The following ADAMTS17 variants were observed in gnomAD, a reference collection of about 807,000 sequenced individuals.
The protein encoded by ADAMTS17 is ADAM metallopeptidase with thrombospondin type 1 motif 17.
A neutral mutation model predicts 141.5 loss-of-function variants in ADAMTS17; 113 were observed. The observed-to-expected ratio is 0.80, with a 90% CI of 0.69 to 0.93. The LOEUF is 0.93. ADAMTS17 is among the 40% of genes least tolerant of loss of function. The pLI, the probability that ADAMTS17 is intolerant of heterozygous loss-of-function variation, is 0.00. For missense variants in ADAMTS17, 1,659 were observed against 1,517.9 expected (o/e 1.09, Z -1.54); for synonymous variants, 768 against 630.6 (o/e 1.22, Z -3.27).
In ADAMTS17 at chr15:100,155,285, C is replaced by A; in HGVS notation, c.1217G>T (p.Cys406Phe). ...GMNHDDDHSS[C>F]AGRSHIMSGE... ...TGACATGATGTGGGACCTGCCAGCG[C>A]AAGATGAGTGGTCATCGTCGTGGTT... The change falls in exon 9 of 22, where the codon TGC becomes TTC. Residue 406 changes from cysteine to phenylalanine, a missense_variant. Coordinates refer to ENST00000268070, the MANE Select transcript of ADAMTS17 (RefSeq NM_139057.4). 6.2e-7 allele frequency: 1 copy of A among 1,614,116 alleles called. No homozygotes were observed. Among genetic ancestry groups the A allele is most frequent in the Non-Finnish European group, 8.5e-7 (1 of 1,180,016 alleles).
chr15:100,207,094 G>C lies in ADAMTS17; in HGVS notation c.1076-7671C>G, dbSNP rs574886720. On this transcript the variant is annotated intron_variant, in intron 7 of 21. Coordinates refer to ENST00000268070, the MANE Select transcript of ADAMTS17 (RefSeq NM_139057.4). The stretch of plus-strand genomic sequence containing the variant: ...TCCAATGTCACTGTATTTGGAGACA[G>C]GGCCTTCAGGGAGGTGATGAAGGTT... 3.3e-5 allele frequency among the ~76,000 whole-genome samples: 5 copies of C among 152,318 alleles called. No homozygotes were observed. In the East Asian group the frequency reaches 7.7e-4, roughly 24 times the overall value.
intron 15 of ADAMTS17, among the ~76,000 whole-genome samples, chr15:100,084,319 T>G (rs1302878678): frequency 1.3e-5 from 2 of 152,172 alleles, no homozygotes; most frequent in African/African-American, 4.8e-5. Flanking sequence ...TTGCCGAGGC[T>G]TGAGTAGGTA....
At chr15:100,004,000 G>T (rs1279248351) in intron 18 of ADAMTS17, among the ~76,000 whole-genome samples, 10 of 152,358 alleles carry the variant, frequency 6.6e-5, no homozygotes, top group Non-Finnish European at 8.8e-5. Flanking sequence ...ATTTACAAAT[G>T]GTAAGATGGT....
At chr15:100,107,471 G>A (rs2036481004) in intron 14 of ADAMTS17, among the ~76,000 whole-genome samples, 1 of 152,212 alleles carries the variant, frequency 6.6e-6, no homozygotes, top group African/African-American at 2.4e-5. Context: ...GTCATAGGAT[G>A]ACAGGAACGC....
chr15:100,122,841 G>T (rs2037518000), intron 12 of ADAMTS17, among the ~76,000 whole-genome samples: 1 of 152,188 alleles, frequency 6.6e-6, no homozygotes, highest in African/African-American at 2.4e-5. Context: ...AGTTGGTCTT[G>T]CTGTCTCAGG....
chr15:100,033,135 C>G (rs1247626477), intron 18 of ADAMTS17, among the ~76,000 whole-genome samples: 1 of 152,134 alleles, frequency 6.6e-6, no homozygotes, highest in African/African-American at 2.4e-5. Context: ...AGGGTTGAAC[C>G]AGCAGCTGAT....
chr15:100,117,779 T>C (rs7179087), intron 12 of ADAMTS17, among the ~76,000 whole-genome samples: 5,485 of 152,272 alleles, frequency 0.036, 324 homozygotes, highest in African/African-American at 0.13. Context: ...GTTCCATTCG[T>C]TTCCATGATG....
At chr15:100,282,911 T>C (rs1242133157) in intron 3 of ADAMTS17, among the ~76,000 whole-genome samples, 1 of 152,218 alleles carries the variant, frequency 6.6e-6, no homozygotes, top group East Asian at 1.9e-4. Flanking sequence ...AAATCTTACA[T>C]ACAAGTATCT....
rs1162108928 is a variant in ADAMTS17 at position 100,182,715 on chromosome 15, G to A, written c.1181+16603C>T. 2.6e-5 allele frequency among the ~76,000 whole-genome samples: 4 copies of A among 152,266 alleles called. No individual in the cohort carries two copies. The East Asian group carries it at 5.8e-4, about 22-fold the overall frequency. On this transcript the variant is annotated intron_variant, in intron 8 of 21. Coordinates refer to ENST00000268070, the MANE Select transcript of ADAMTS17 (RefSeq NM_139057.4). ...AAATTTGGTGTTACTGTGGGGTGGT[G>A]GCAGGGGGTGACAACTGATGGAGGC...
rs1401659358 is a variant in ADAMTS17, at chr15:100,341,023, G to A, written c.450+16C>T. ...ACAGACCGGACGGGCCGACCCGGAG[G>A]TGGCGCGGGCAGTACCAGGCCGCCG... On this transcript the variant is annotated intron_variant, in intron 2 of 21. Transcript: ENST00000268070. 5 of 1,523,378 alleles carry A rather than the reference G, an allele frequency of 3.3e-6. No homozygotes were observed. Among genetic ancestry groups the A allele is most frequent in the African/African-American group, 1.4e-5 (1 of 72,342 alleles). 94.4% of individuals were successfully genotyped at this position (1,523,378 alleles called of 1,614,324 possible). A position where few individuals can be genotyped will look rare whatever the true frequency, so the allele number is the denominator to read the frequency against.
intron 12 of ADAMTS17, among the ~76,000 whole-genome samples, chr15:100,130,165 G>C (rs1244568692): frequency 1.3e-5 from 2 of 152,088 alleles, no homozygotes; most frequent in South Asian, 2.1e-4. Context: ...AGGAGTTCAA[G>C]ACCAGCCTGG....
intron 7 of ADAMTS17, among the ~76,000 whole-genome samples, chr15:100,209,131 A>AAAAGG (rs1555483240): frequency 0.023 from 3,084 of 132,704 alleles, 89 homozygotes; most frequent in Non-Finnish European, 0.032. Context: ...AAAAAAAAAA[A>AAAAGG]AAGGAAGAAA....
chr15:100,004,731 G>A (rs1261009064), intron 18 of ADAMTS17, among the ~76,000 whole-genome samples: 1 of 151,380 alleles, frequency 6.6e-6, no homozygotes, highest in East Asian at 1.9e-4. Context: ...AGGGATTCTG[G>A]TGCCTCAGCC....
chr15:100,053,264 G>T (rs2032285352), intron 16 of ADAMTS17, among the ~76,000 whole-genome samples: 1 of 152,152 alleles, frequency 6.6e-6, no homozygotes, highest in African/African-American at 2.4e-5. Flanking sequence ...TTAAAAGGAG[G>T]CATCACTGAT....
At chr15:100,092,023 C>A (rs2035500358) in intron 15 of ADAMTS17, among the ~76,000 whole-genome samples, 1 of 152,124 alleles carries the variant, frequency 6.6e-6, no homozygotes, top group South Asian at 2.1e-4. Flanking sequence ...AGGGTGTTAC[C>A]AAATGCCCCT....
chr15:100,118,229 A>G (rs2037262773), intron 12 of ADAMTS17, among the ~76,000 whole-genome samples: 1 of 152,254 alleles, frequency 6.6e-6, no homozygotes. Context: ...GATAACATGT[A>G]AAAGAACAGG....
At chr15:100,275,476 C>T (rs554587735) in intron 4 of ADAMTS17, among the ~76,000 whole-genome samples, 1 of 152,222 alleles carries the variant, frequency 6.6e-6, no homozygotes. Flanking sequence ...GCTCCAGCAG[C>T]TGTCAAGGCC....
intron 8 of ADAMTS17, among the ~76,000 whole-genome samples, chr15:100,156,858 T>A (rs2141380483): frequency 6.6e-6 from 1 of 152,312 alleles, no homozygotes; most frequent in Middle Eastern, 3.4e-3. Flanking sequence ...AGAAACTAGA[T>A]TCAAACTCTT....
chr15:100,293,304 T>A (rs1190597991), intron 3 of ADAMTS17, among the ~76,000 whole-genome samples: 1 of 152,184 alleles, frequency 6.6e-6, no homozygotes, highest in East Asian at 1.9e-4. Context: ...TGAATCAGAA[T>A]GGCACTGGTC....
Sources: allele counts gnomAD v4.1 joint callset (sites outside exome capture counted in the v4.1 genomes callset), GRCh38; gene constraint gnomAD v4.1.1; transcripts MANE v1.5; gene names NCBI Gene and HGNC (gene_info 2026-07-23, HGNC 2026-07-21).